SATB2: variants seen among roughly 807,000 people sequenced by gnomAD.
SATB2 encodes the protein SATB homeobox 2, also known as DNA-binding protein SATB2.
Under a neutral mutation model 73.4 loss-of-function variants are expected in SATB2, and 1 was observed. The observed-to-expected ratio is 0.01, with a 90% CI of 0.00 to 0.06. The LOEUF is 0.06. Ranked by LOEUF, SATB2 falls within the 10% of genes least tolerant of loss-of-function variation. The pLI is 1.00. For synonymous variants in SATB2, 397 were observed against 367.0 expected, an observed-to-expected ratio of 1.08 and a Z score of -0.93; for missense variants, 459 against 945.8, an observed-to-expected ratio of 0.49 and a Z score of 6.75.
At chr2:199,409,152 TTTC>T (rs1305251070) in intron 3 of SATB2, among the ~76,000 whole-genome samples, 6 of 149,398 alleles carry the variant, frequency 4.0e-5, no homozygotes, top group Middle Eastern at 3.2e-3. Context: ...GCTCCAACAT[TTTC>T]TTTTTTCTTT....
At chr2:199,408,748 AAG>A (rs58451360) in intron 3 of SATB2, among the ~76,000 whole-genome samples, 7,923 of 152,126 alleles carry the variant, frequency 0.052, 701 homozygotes, top group African/African-American at 0.18. Flanking sequence ...GTTGTAGAAA[AAG>A]AACTATATCA....
chr2:199,369,724 T>C (rs1689387568), intron 5 of SATB2, among the ~76,000 whole-genome samples: 1 of 152,134 alleles, frequency 6.6e-6, no homozygotes. Flanking sequence ...TCTAACGACA[T>C]TTCTACAAAG....
At chr2:199,336,435 G>C (rs1443688204) in intron 7 of SATB2, among the ~76,000 whole-genome samples, 1 of 152,058 alleles carries the variant, frequency 6.6e-6, no homozygotes, top group East Asian at 1.9e-4. Flanking sequence ...ACTAGCTTTG[G>C]CTACTTTGTC....
intron 2 of SATB2, among the ~76,000 whole-genome samples, chr2:199,435,601 C>T (rs958203583): frequency 1.5e-4 from 23 of 151,298 alleles, no homozygotes; most frequent in African/African-American, 4.4e-4. Context: ...GCCTTGGCCT[C>T]CCAAAGTGCT....
Position 199,463,876 on chromosome 2 carries a change from G to A in SATB2, c.-141+960C>T, listed in dbSNP as rs879682914. ...GTCCAGAAATCCGCTCCCACCCCTCGTAGGGGCAGGCAAGCTCAGGCAGCC... is the reference window on the plus strand; with the variant it reads ...GTCCAGAAATCCGCTCCCACCCCTCATAGGGGCAGGCAAGCTCAGGCAGCC... On this transcript the variant is annotated intron_variant, in intron 1 of 11. Transcript: ENST00000260926. This position sits in a 1 kb window ranked among gnomAD's most constrained non-coding sequence, Gnocchi z 6.4. Among the ~76,000 whole-genome samples the A allele has an allele frequency of 2.2e-4, 33 of 152,322 alleles. No individual in the cohort carries two copies. Among genetic ancestry groups the A allele is most frequent in the African/African-American group, 7.0e-4 (29 of 41,584 alleles).
chr2:199,296,781 C>T (rs1245055981), intron 10 of SATB2, among the ~76,000 whole-genome samples: 1 of 152,104 alleles, frequency 6.6e-6, no homozygotes, highest in East Asian at 1.9e-4. Flanking sequence ...ACACACTCAG[C>T]CCTAGGACTA....
At chr2:199,379,748 G>A (rs1318969473) in intron 5 of SATB2, among the ~76,000 whole-genome samples, 2 of 138,324 alleles carry the variant, frequency 1.4e-5, no homozygotes, top group Non-Finnish European at 3.1e-5. Context: ...GGCTGGTCTC[G>A]AACTCCAAGG....
rs1428323167 is a variant in SATB2, at chr2:199,308,550, A to G, written c.1740+210T>C. Among the ~76,000 whole-genome samples, 4 of 150,576 alleles carry G rather than the reference A, an allele frequency of 2.7e-5. No homozygotes were observed. The highest frequency in any genetic ancestry group is 2.5e-5 in the African/African-American group (1 of 40,526). On this transcript the variant is annotated intron_variant, in intron 10 of 10. Coordinates refer to ENST00000417098, the MANE Select transcript of SATB2 (RefSeq NM_001172509.2). This position sits in a 1 kb window ranked among gnomAD's most constrained non-coding sequence, Gnocchi z 4.6. The stretch of plus-strand genomic sequence containing the variant: ...CAGTCATTTTTCTTTGTGTGTGCAT[A>G]CACACACACACACGCACGCACATGC...
chr2:199,433,388 G>T lies in SATB2; in HGVS notation c.296C>A (p.Thr99Asn). 1.9e-6 allele frequency: 3 copies of T among 1,614,180 alleles called. No homozygotes were observed. The highest frequency in any genetic ancestry group is 2.5e-6 in the Non-Finnish European group (3 of 1,180,026). ...AGAATACCCCAGGGCCAGGAGCGCA[G>T]TCTCCACCAGCTGGCTAAAAAGCAC... ...KDVLFSQLVE[T>N]ALLALGYSHS... Residue 99 changes from threonine (T) to asparagine (N), a missense_variant, in exon 3 of 11, where the codon ACT becomes AAT. Thr to Asn is a moderately conservative substitution (Grantham distance 65, BLOSUM62 0). Transcript: ENST00000417098.
upstream of SATB2, among the ~76,000 whole-genome samples, chr2:199,468,641 A>G (rs1217682402): frequency 6.6e-6 from 1 of 152,220 alleles, no homozygotes; most frequent in Non-Finnish European, 1.5e-5. Context: ...TCCATGAATC[A>G]GCTCCATAGC....
chr2:199,378,932 A>AGG (rs1222823649), intron 5 of SATB2, among the ~76,000 whole-genome samples: 2 of 152,166 alleles, frequency 1.3e-5, no homozygotes, highest in African/African-American at 4.8e-5. Context: ...GCTCTTACCC[A>AGG]ATAGCCTTCC....
In SATB2 at chr2:199,433,522, G is replaced by C; in HGVS notation, c.170-8C>G. The C allele has an allele frequency of 6.2e-7, 1 of 1,613,640 alleles. No individual in the cohort carries two copies. The highest frequency in any genetic ancestry group is 8.5e-7 in the Non-Finnish European group (1 of 1,179,628). Reference sequence around the variant, plus strand: ...AGACAGGAATCATCAAACCTGAAGGGACAAAATTCAAGAGCAAAACACAAA... The same window carrying C: ...AGACAGGAATCATCAAACCTGAAGGCACAAAATTCAAGAGCAAAACACAAA... On this transcript the variant is annotated splice_polypyrimidine_tract_variant and splice_region_variant and intron_variant, in intron 2 of 10. Coordinates refer to ENST00000417098, the MANE Select transcript of SATB2 (RefSeq NM_001172509.2).
intron 3 of SATB2, among the ~76,000 whole-genome samples, chr2:199,407,951 C>T (rs1690686467): frequency 6.6e-6 from 1 of 152,144 alleles, no homozygotes; most frequent in African/African-American, 2.4e-5. Flanking sequence ...TAAAAAAGTT[C>T]AGTCCACAGA....
At chr2:199,406,142 G>T (rs1690623140) in intron 3 of SATB2, among the ~76,000 whole-genome samples, 1 of 152,124 alleles carries the variant, frequency 6.6e-6, no homozygotes, top group South Asian at 2.1e-4. Flanking sequence ...TTTTATGTAA[G>T]ATGGACTTGA....
chr2:199,417,187 A>G (rs1414087761), intron 3 of SATB2, among the ~76,000 whole-genome samples: 1 of 152,014 alleles, frequency 6.6e-6, no homozygotes, highest in Non-Finnish European at 1.5e-5. Flanking sequence ...CATTTAGGCC[A>G]GGTAAAAGTG....
chr2:199,374,458 T>C (rs1032413280), intron 5 of SATB2, among the ~76,000 whole-genome samples: 1 of 151,932 alleles, frequency 6.6e-6, no homozygotes, highest in Admixed American at 6.6e-5. Flanking sequence ...ATTTGGAGAG[T>C]TGAAAAAGTT....
intron 6 of SATB2, among the ~76,000 whole-genome samples, chr2:199,364,633 T>A (rs1401269594): frequency 2.0e-5 from 3 of 152,162 alleles, no homozygotes; most frequent in African/African-American, 4.8e-5. Context: ...CTCATTCTAA[T>A]GGTATTATTT....
At chr2:199,330,053 C>G (rs1688143621) in intron 7 of SATB2, among the ~76,000 whole-genome samples, 1 of 152,128 alleles carries the variant, frequency 6.6e-6, no homozygotes, top group Non-Finnish European at 1.5e-5. Flanking sequence ...ACTTCTTTAA[C>G]TGTAGTAAAG....
intron 6 of SATB2, among the ~76,000 whole-genome samples, chr2:199,363,318 T>C (rs1321132982): frequency 6.6e-6 from 1 of 152,242 alleles, no homozygotes; most frequent in Non-Finnish European, 1.5e-5. Flanking sequence ...ATGATGTTTC[T>C]ATTTCTATGA....
Sources: allele counts gnomAD v4.1 joint callset (sites outside exome capture counted in the v4.1 genomes callset), GRCh38; gene constraint gnomAD v4.1.1; non-coding constraint Gnocchi (gnomAD v3.1); transcripts MANE v1.5; gene names NCBI Gene and HGNC (gene_info 2026-07-23, HGNC 2026-07-21).